Variants in PLXNB2 observed in about 807,000 individuals in gnomAD.
PLXNB2 encodes plexin-B2.
In PLXNB2, 85 loss-of-function variants were observed where a neutral mutation model predicts 202.6. The observed-to-expected ratio is 0.42, with a 90% CI of 0.35 to 0.50. PLXNB2 has a LOEUF of 0.50. Ranked by LOEUF, PLXNB2 falls within the 20% of genes least tolerant of loss-of-function variation. PLXNB2 has a pLI of 0.02. For synonymous variants in PLXNB2, 1,239 were observed against 1,137.6 expected, an observed-to-expected ratio of 1.09 and a Z score of -1.79; for missense variants, 2,063 against 2,586.2, an observed-to-expected ratio of 0.80 and a Z score of 4.39.
rs571000788 is a variant in PLXNB2 at position 50,306,973 on chromosome 22, G to A, written c.-74+580C>T. Among the ~76,000 whole-genome samples, 24 of 152,304 alleles carry A rather than the reference G, an allele frequency of 1.6e-4. No individual in the cohort carries two copies. The East Asian group carries it at 3.9e-3, about 25-fold the overall frequency. ...GGTGCGGAGGGGCAGGGTCAGCAGG[G>A]GACAGGCAGGGCTCGCGCCCCCGCT... On this transcript the variant is annotated intron_variant, in intron 1 of 36. Coordinates refer to ENST00000359337, the MANE Select transcript of PLXNB2 (RefSeq NM_012401.4).
intron 18 of PLXNB2, 153 bp from the exon 19 acceptor site, chr22:50,282,466 G>A: frequency 1.2e-6 from 1 of 822,796 alleles, no homozygotes; most frequent in Admixed American, 2.9e-5. Context: ...GGTGGGACGT[G>A]CTGAGCACGA....
rs1009794151 is a variant in PLXNB2, at chr22:50,298,408, C to A, written c.-73-3630G>T. ...ACCAGCAGCCCCCAGGCCCCTTGCACGGGCTGAGTCTGGCCCCCGCCCCTC... is the reference window on the plus strand; with the variant it reads ...ACCAGCAGCCCCCAGGCCCCTTGCAAGGGCTGAGTCTGGCCCCCGCCCCTC... On this transcript the variant is annotated intron_variant, in intron 1 of 36. Coordinates refer to ENST00000359337, the MANE Select transcript of PLXNB2 (RefSeq NM_012401.4). Among the ~76,000 whole-genome samples the A allele has an allele frequency of 2.0e-5, 3 of 152,012 alleles. No individual in the cohort carries two copies. The East Asian group carries it at 5.8e-4, about 29-fold the overall frequency.
In PLXNB2 at chr22:50,280,632, G is replaced by C; in HGVS notation, c.4032C>G (p.Ala1344=). 1 of 1,612,682 alleles carries C rather than the reference G, an allele frequency of 6.2e-7. No homozygotes were observed. ...HTLENQREFS[A]RAKVYFASLL... is the part of the protein sequence containing the mutation. ...GGGACGCGAAGTAGACCTTGGCGCG[G>C]GCCGAGAACTCCCGCTGGTTCTCCA... is the stretch of plus-strand genomic sequence containing the variant. The change falls in exon 25 of 37, where the codon GCC becomes GCG. Residue 1344 remains alanine, a synonymous_variant. Coordinates refer to ENST00000359337, the MANE Select transcript of PLXNB2 (RefSeq NM_012401.4).
rs146442916 is a variant in PLXNB2 at position 50,293,335 on chromosome 22, G to A, written c.-14+1384C>T. ...CATGGCCCTACCAGGGAGGAGCAGC[G>A]CCTGCCCGAAGGCTCCCCAACCCCC... On this transcript the variant is annotated intron_variant, in intron 2 of 36. Transcript: ENST00000359337. Among the ~76,000 whole-genome samples, 23 of 152,270 alleles carry A rather than the reference G, an allele frequency of 1.5e-4. 1 individual carries two copies. Among genetic ancestry groups the A allele is most frequent in the Middle Eastern group, 3.4e-3 (1 of 294 alleles).
Position 50,282,764 on chromosome 22 carries a change from G to A in PLXNB2, c.2934C>T (p.Thr978=), listed in dbSNP as rs1328632710. ...SPVPNPGIFF[T]YRENPVLRAF... is the part of the protein sequence containing the mutation. The stretch of plus-strand genomic sequence containing the variant: ...CTCGCAGTACGGGGTTTTCGCGGTA[G>A]GTGAAGAAGATGCCGGGGTTGGGCA... Residue 978 remains threonine (T), a synonymous_variant, in exon 18 of 37, where the codon ACC becomes ACT. Coordinates refer to ENST00000359337, the MANE Select transcript of PLXNB2 (RefSeq NM_012401.4). 1 of 1,587,968 alleles carries A rather than the reference G, an allele frequency of 6.3e-7. No individual in the cohort carries two copies. The highest frequency in any genetic ancestry group is 8.5e-7 in the Non-Finnish European group (1 of 1,171,818).
rs138522984 is a variant in PLXNB2, at chr22:50,289,147, G to T, written c.1069-5C>A. 1.3e-6 allele frequency: 2 copies of T among 1,559,570 alleles called. No homozygotes were observed. The highest frequency in any genetic ancestry group is 1.7e-6 in the Non-Finnish European group (2 of 1,153,566). On this transcript the variant is annotated splice_polypyrimidine_tract_variant and splice_region_variant and intron_variant, in intron 3 of 36. Coordinates refer to ENST00000359337, the MANE Select transcript of PLXNB2 (RefSeq NM_012401.4). This position sits in a 1 kb window ranked among gnomAD's most constrained non-coding sequence, Gnocchi z 8.0. ...TGGGAAGCTCTTGCTGGAGCCCTGCGGACCACAGCGTGTCAATGGCAGGCA... is the reference window on the plus strand; with the variant it reads ...TGGGAAGCTCTTGCTGGAGCCCTGCTGACCACAGCGTGTCAATGGCAGGCA...
At chr22:50,281,785 G>A in intron 20 of PLXNB2, 43 bp from the exon 21 acceptor site, 1 of 1,569,472 alleles carries the variant, frequency 6.4e-7, no homozygotes, top group African/African-American at 1.3e-5. Context: ...AGGGAACCAG[G>A]GACAGGTGGA....
rs777318163 is a variant in PLXNB2, at chr22:50,282,743, C to A, written c.2955G>T (p.Leu985=). The change falls in exon 18 of 37, where the codon CTG becomes CTT. Residue 985 remains leucine (L), a synonymous_variant. Coordinates refer to ENST00000359337, the MANE Select transcript of PLXNB2 (RefSeq NM_012401.4). ...IFFTYRENPV[L]RAFEPLRSFA... Reference sequence around the variant, plus strand: ...AGCTTCGTAGCGGCTCGAAGGCTCGCAGTACGGGGTTTTCGCGGTAGGTGA... The same window carrying A: ...AGCTTCGTAGCGGCTCGAAGGCTCGAAGTACGGGGTTTTCGCGGTAGGTGA... 2 of 1,561,470 alleles carry A rather than the reference C, an allele frequency of 1.3e-6. No homozygotes were observed. The highest frequency in any genetic ancestry group is 3.1e-5 in the African/African-American group (2 of 65,098).
chr22:50,278,969 G>C lies in PLXNB2; in HGVS notation c.4432C>G (p.Pro1478Ala), dbSNP rs1415622042. The C allele has an allele frequency of 1.2e-6, 2 of 1,613,456 alleles. No individual in the cohort carries two copies. Among genetic ancestry groups the C allele is most frequent in the Non-Finnish European group, 1.7e-6 (2 of 1,179,810 alleles). Residue 1478 changes from proline (P) to alanine (A), a missense_variant, in exon 28 of 37, where the codon CCG becomes GCG. Transcript: ENST00000359337. ...IVQDEGVDAIPVKVLNCDTIS... is the reference protein window; with the variant it reads ...IVQDEGVDAIAVKVLNCDTIS... ...GTGTCACAGTTGAGGACCTTCACCG[G>C]GATGGCGTCCACTCCCTCGTCCTGC...
At chr22:50,285,415 AC>A (rs745484386) in intron 11 of PLXNB2, among the ~76,000 whole-genome samples, 84 of 18,480 alleles carry the variant, frequency 4.5e-3, no homozygotes, top group South Asian at 8.9e-3. Flanking sequence ...ACCGGCCGGC[AC>A]CCCCTCCCTC....
chr22:50,299,068 A>T (rs1158622316), intron 1 of PLXNB2, among the ~76,000 whole-genome samples: 1 of 152,204 alleles, frequency 6.6e-6, no homozygotes, highest in Non-Finnish European at 1.5e-5. Flanking sequence ...CACGGGAACC[A>T]GAGAGGGCAG....
rs1476390588 is a variant in PLXNB2, at chr22:50,279,151, C to A, written c.4390-140G>T. Reference sequence around the variant, plus strand: ...AGGCCCCCGCCAGCCCGGCTCCGAGCCCCCGAGGCTTCCCAGATGACCACA... The same window carrying A: ...AGGCCCCCGCCAGCCCGGCTCCGAGACCCCGAGGCTTCCCAGATGACCACA... On this transcript the variant is annotated intron_variant, in intron 27 of 36. Coordinates refer to ENST00000359337, the MANE Select transcript of PLXNB2 (RefSeq NM_012401.4). 11 of 821,396 alleles carry A rather than the reference C, an allele frequency of 1.3e-5. No homozygotes were observed. The East Asian group carries it at 2.7e-4, about 20-fold the overall frequency. 50.9% of individuals were successfully genotyped at this position (821,396 alleles called of 1,614,324 possible).
intron 1 of PLXNB2, among the ~76,000 whole-genome samples, chr22:50,295,630 G>T (rs558777118): frequency 1.3e-5 from 2 of 152,246 alleles, no homozygotes; most frequent in African/African-American, 4.8e-5. Flanking sequence ...GTGCTTCTCC[G>T]CATGGTTGGC....
At position 50,287,127 on chromosome 22, in the gene PLXNB2, G is replaced by A. The variant is rs1262673088; in HGVS notation, c.1746C>T (p.Val582=). ...VICNSPSSIP[V]TPPGQDHVAV... The stretch of plus-strand genomic sequence containing the variant: ...GGGCCTCACCCTGGCCTGGCGGTGT[G>A]ACGGGGATGCTGCTTGGGGAGTTGC... The change falls in exon 8 of 37, where the codon GTC becomes GTT. Residue 582 remains valine (V), a synonymous_variant. Coordinates refer to ENST00000359337, the MANE Select transcript of PLXNB2 (RefSeq NM_012401.4). The A allele has an allele frequency of 3.9e-6, 6 of 1,529,566 alleles. No individual in the cohort carries two copies. Among genetic ancestry groups the A allele is most frequent in the Non-Finnish European group, 5.3e-6 (6 of 1,135,340 alleles). The allele number at this position is 1,529,566 out of a possible 1,614,324, so 94.7% of individuals were successfully genotyped here. A position where few individuals can be genotyped will look rare whatever the true frequency, so the allele number is the denominator to read the frequency against.
intron 2 of PLXNB2, among the ~76,000 whole-genome samples, chr22:50,293,497 C>T (rs1053792195): frequency 6.6e-6 from 1 of 152,222 alleles, no homozygotes; most frequent in African/African-American, 2.4e-5. Context: ...GCTGCCCTCC[C>T]CTCCCAGCCC....
Position 50,280,791 on chromosome 22 carries a change from G to A in PLXNB2, c.3946C>T (p.Leu1316Phe). 6.2e-7 allele frequency: 1 copy of A among 1,612,968 alleles called. No homozygotes were observed. Among genetic ancestry groups the A allele is most frequent in the Non-Finnish European group, 8.5e-7 (1 of 1,179,792 alleles). Residue 1316 changes from leucine (L) to phenylalanine (F), a missense_variant, in exon 24 of 37, where the codon CTC (leucine) becomes TTC (phenylalanine). Physicochemically the swap from Leu to Phe is conservative, Grantham distance 22 (BLOSUM62 0). Coordinates refer to ENST00000359337, the MANE Select transcript of PLXNB2 (RefSeq NM_012401.4). The part of the protein sequence containing the change: ...EPRRPVVEQA[L>F]YQFSNLLNSK... ...TTCAGCAGGTTGGAGAACTGGTAGAGGGCCTGCTCCACCACCGGCCGCCGC... is the reference window on the plus strand; with the variant it reads ...TTCAGCAGGTTGGAGAACTGGTAGAAGGCCTGCTCCACCACCGGCCGCCGC...
chr22:50,283,813 C>CCA lies in PLXNB2; in HGVS notation c.2421+18_2421+19dup. ...TGCCAGGGACGAGGGAAGGTGTAGG[C>CCA]CAGGCTTCGAGGGGCTCACCCTGGT... On this transcript the variant is annotated intron_variant, in intron 14 of 36. Coordinates refer to ENST00000359337, the MANE Select transcript of PLXNB2 (RefSeq NM_012401.4). 1 of 1,611,632 alleles carries CCA rather than the reference C, an allele frequency of 6.2e-7. No homozygotes were observed. The highest frequency in any genetic ancestry group is 8.5e-7 in the Non-Finnish European group (1 of 1,178,660).
chr22:50,277,834 G>A lies in PLXNB2; in HGVS notation c.5048+19C>T, dbSNP rs1348916575. The A allele has an allele frequency of 1.2e-6, 2 of 1,608,950 alleles. No individual in the cohort carries two copies. The highest frequency in any genetic ancestry group is 1.7e-6 in the Non-Finnish European group (2 of 1,176,656). On this transcript the variant is annotated intron_variant, in intron 32 of 36. Transcript: ENST00000359337. Reference sequence around the variant, plus strand: ...AGGCGGAGCCGGGGCTGGGCCGCGGGGTGGGTGTGGAGCCTCACCTGTTCG... The same window carrying A: ...AGGCGGAGCCGGGGCTGGGCCGCGGAGTGGGTGTGGAGCCTCACCTGTTCG...
At chr22:50,279,132 C>T in intron 27 of PLXNB2, 121 bp from the exon 28 acceptor site, 2 of 1,036,840 alleles carry the variant, frequency 1.9e-6, no homozygotes, top group Non-Finnish European at 1.4e-6. Flanking sequence ...CAGCAGGCCC[C>T]CGCCAGCCCG....
Sources: gnomAD v4.1 joint callset for allele counts (sites outside exome capture counted in the v4.1 genomes callset) on GRCh38, gnomAD v4.1.1 for gene constraint, Gnocchi (gnomAD v3.1) non-coding constraint, MANE v1.5 for transcripts, NCBI Gene and HGNC (gene_info 2026-07-23, HGNC 2026-07-21) for gene names.